The following RDX variants were observed in gnomAD, a reference collection of about 807,000 sequenced individuals.
The protein encoded by RDX is deafness, autosomal recessive 24.
A neutral mutation model predicts 83.7 loss-of-function variants in RDX; 32 were observed. That is an observed-to-expected ratio of 0.38 (90% CI 0.29 to 0.51). RDX has a LOEUF of 0.51. Among genes scored for constraint, RDX ranks in the 20% least tolerant of loss-of-function variants. The pLI, the probability that RDX is intolerant of heterozygous loss-of-function variation, is 0.87. For synonymous variants in RDX, 229 were observed against 222.7 expected (o/e 1.03, Z -0.25); for missense variants, 600 against 689.9 (o/e 0.87, Z 1.46).
At chr11:110,269,448 A>G (rs930215277) in intron 3 of RDX, among the ~76,000 whole-genome samples, 4 of 152,290 alleles carry the variant, frequency 2.6e-5, no homozygotes, top group Non-Finnish European at 5.9e-5. Flanking sequence ...AGAGTCCCCA[A>G]ACACAGAGCA....
At chr11:110,224,384 TAC>T (rs1565300574) in intron 14 of RDX, among the ~76,000 whole-genome samples, 1 of 152,176 alleles carries the variant, frequency 6.6e-6, no homozygotes, top group Non-Finnish European at 1.5e-5. Context: ...AATTCAAACA[TAC>T]ACAGATATTA....
In RDX at chr11:110,270,542, C is replaced by T. The variant is rs143106101; in HGVS notation, c.96+1994G>A. On this transcript the variant is annotated intron_variant, in intron 3 of 13. Coordinates refer to ENST00000645495, the MANE Select transcript of RDX (RefSeq NM_002906.4). ...CAAAACCATCAAATACTGTTCTACG[C>T]ACTTTACATAGATTTTCATTTAACT... is the stretch of plus-strand genomic sequence containing the variant. Among the ~76,000 whole-genome samples the T allele has an allele frequency of 1.4e-4, 21 of 152,298 alleles. No homozygotes were observed. The South Asian group carries it at 1.9e-3, about 14-fold the overall frequency.
At chr11:110,286,871 G>A (rs1861002422) in intron 1 of RDX, 1 of 152,138 alleles carries the variant, frequency 6.6e-6, no homozygotes, top group African/African-American at 2.4e-5. Flanking sequence ...GGGCCCTGCT[G>A]GTGAAGCCTA....
At chr11:110,178,016 A>G (rs746898732) in intron 15 of RDX, among the ~76,000 whole-genome samples, 5 of 152,080 alleles carry the variant, frequency 3.3e-5, no homozygotes, top group Non-Finnish European at 5.9e-5. Flanking sequence ...CCACACAGTG[A>G]CATCCCAGGT....
In RDX at chr11:110,279,727, C is replaced by A. The variant is rs1347691449; in HGVS notation, c.-35G>T. Reference sequence around the variant, plus strand: ...CTTTTTGTTACCTTCTTTAAAAATTCTCCACTTCAATGAATTCTGTTATCA... The same window carrying A: ...CTTTTTGTTACCTTCTTTAAAAATTATCCACTTCAATGAATTCTGTTATCA... On this transcript the variant is annotated 5_prime_UTR_variant, in exon 2 of 14. Coordinates refer to ENST00000645495, the MANE Select transcript of RDX (RefSeq NM_002906.4). The A allele has an allele frequency of 2.8e-6, 4 of 1,432,894 alleles. No individual in the cohort carries two copies. Among genetic ancestry groups the A allele is most frequent in the Non-Finnish European group, 3.9e-6 (4 of 1,021,748 alleles). The allele number at this position is 1,432,894 out of a possible 1,614,324, so 88.8% of individuals were successfully genotyped here.
At position 110,237,545 on chromosome 11, in the gene RDX, T is replaced by C; in HGVS notation, c.1198A>G (p.Lys400Glu). ...GCAGCTTGTTTTGCTATGGCAGACT[T>C]TGCCTCTTCAGCAGCTCGACGCTCC... is the stretch of plus-strand genomic sequence containing the variant. ...EKERRAAEEAKSAIAKQAADQ... is the reference protein window; with the variant it reads ...EKERRAAEEAESAIAKQAADQ... Residue 400 changes from lysine (K) to glutamate (E), a missense_variant, in exon 11 of 14, where the codon AAG (lysine) becomes GAG (glutamate). By Grantham distance (56) the Lys-to-Glu change is moderately conservative. Transcript: ENST00000645495. 6.2e-7 allele frequency: 1 copy of C among 1,613,598 alleles called. No individual in the cohort carries two copies. The highest frequency in any genetic ancestry group is 8.5e-7 in the Non-Finnish European group (1 of 1,180,034).
intron 1 of RDX, among the ~76,000 whole-genome samples, chr11:110,284,089 T>C (rs78107022): frequency 0.023 from 3,474 of 152,280 alleles, 78 homozygotes; most frequent in Non-Finnish European, 0.028. Context: ...TAAATATTAA[T>C]TACGCATGCT....
At chr11:110,294,884 G>A (rs959018658) in intron 1 of RDX, among the ~76,000 whole-genome samples, 1 of 152,100 alleles carries the variant, frequency 6.6e-6, no homozygotes, top group Non-Finnish European at 1.5e-5. Context: ...AGAACTCAAC[G>A]TTTTTTCAAT....
chr11:110,201,076 T>C (rs748574012), intron 14 of RDX, among the ~76,000 whole-genome samples: 3 of 149,606 alleles, frequency 2.0e-5, no homozygotes, highest in African/African-American at 4.9e-5. Flanking sequence ...CTCAGGAGGC[T>C]GAGGTAGGAG....
intron 2 of RDX, among the ~76,000 whole-genome samples, chr11:110,275,703 C>T (rs1486919699): frequency 6.6e-6 from 1 of 151,082 alleles, no homozygotes; most frequent in Admixed American, 6.6e-5. Context: ...CCATAGTGTC[C>T]TTTATGATAA....
intron 3 of RDX, among the ~76,000 whole-genome samples, chr11:110,271,290 T>C (rs1273935358): frequency 6.6e-6 from 1 of 152,232 alleles, no homozygotes; most frequent in Non-Finnish European, 1.5e-5. Flanking sequence ...CCAAAGTATC[T>C]AGTGTTACTT....
downstream of RDX, among the ~76,000 whole-genome samples, chr11:110,224,746 C>G (rs1864376566): frequency 6.6e-6 from 1 of 152,162 alleles, no homozygotes; most frequent in South Asian, 2.1e-4. Context: ...ATATAGCAAA[C>G]ATGAGAGCAA....
chr11:110,291,342 G>T (rs1052499212), intron 1 of RDX, among the ~76,000 whole-genome samples: 2 of 151,894 alleles, frequency 1.3e-5, no homozygotes, highest in Admixed American at 1.3e-4. Flanking sequence ...AGAGAAGGAG[G>T]GAGACAGGGA....
intron 2 of RDX, among the ~76,000 whole-genome samples, chr11:110,278,409 C>T (rs1860603405): frequency 6.6e-6 from 1 of 152,114 alleles, no homozygotes. Flanking sequence ...GATCTCTATA[C>T]ATATTTTATA....
At chr11:110,189,660 T>C (rs1465954919) in intron 15 of RDX, among the ~76,000 whole-genome samples, 1 of 152,198 alleles carries the variant, frequency 6.6e-6, no homozygotes, top group Non-Finnish European at 1.5e-5. Context: ...AACCATACTC[T>C]AGAACTACAG....
At chr11:110,178,999 A>T (rs1182187993) in intron 15 of RDX, among the ~76,000 whole-genome samples, 5 of 152,184 alleles carry the variant, frequency 3.3e-5, no homozygotes, top group Admixed American at 3.3e-4. Context: ...CCCTGCAAAC[A>T]GGTAGTACCA....
chr11:110,225,204 C>A (rs944408648), downstream of RDX, among the ~76,000 whole-genome samples: 3 of 152,078 alleles, frequency 2.0e-5, no homozygotes, highest in Non-Finnish European at 4.4e-5. Context: ...CAAAAAAACA[C>A]AAACACCAAA....
At chr11:110,198,999 G>A (rs1436579946) in intron 15 of RDX, among the ~76,000 whole-genome samples, 1 of 151,994 alleles carries the variant, frequency 6.6e-6, no homozygotes, top group African/African-American at 2.4e-5. Context: ...ATTTTTAGTA[G>A]AGACGGGGTT....
Position 110,264,097 on chromosome 11 carries a change from G to T in RDX, c.330C>A (p.Ile110=). ...RLFFLQVKEA[I]LNDEIYCPPE... The stretch of plus-strand genomic sequence containing the variant: ...GCGGGCAATATATCTCATCATTTAA[G>T]ATGGCTTCTTTAACTTGCAAGAAGA... Residue 110 remains isoleucine, a synonymous_variant, in exon 5 of 14, where the codon ATC becomes ATA. Transcript: ENST00000645495. The T allele has an allele frequency of 6.2e-7, 1 of 1,613,918 alleles. No homozygotes were observed.
Sources: allele counts gnomAD v4.1 joint callset (sites outside exome capture counted in the v4.1 genomes callset), GRCh38; gene constraint gnomAD v4.1.1; transcripts MANE v1.5; gene names NCBI Gene and HGNC (gene_info 2026-07-23, HGNC 2026-07-21).